Variants in MOG observed in about 807,000 individuals in gnomAD.
The protein encoded by MOG is myelin-oligodendrocyte glycoprotein.
Under a neutral mutation model 35.9 loss-of-function variants are expected in MOG, and 20 were observed. The ratio of observed to expected loss-of-function variants is 0.56; its 90% confidence interval spans 0.39 to 0.81. The LOEUF (loss-of-function observed/expected upper bound fraction) is 0.81. Ranked by LOEUF, MOG falls within the 30% of genes least tolerant of loss-of-function variation. The pLI is 0.00. For synonymous variants in MOG, 92 were observed against 114.3 expected (o/e 0.80, Z 1.25); for missense variants, 251 against 301.0 (o/e 0.83, Z 1.23).
At chr6:29,660,934 C>T (rs1274218705) in intron 2 of MOG, among the ~76,000 whole-genome samples, 1 of 152,066 alleles carries the variant, frequency 6.6e-6, no homozygotes, top group Non-Finnish European at 1.5e-5. Flanking sequence ...GTCTCAAACT[C>T]CTGACCTCAG....
At chr6:29,657,412 A>G in intron 1 of MOG, 115 bp downstream of exon 1, 1 of 835,734 alleles carries the variant, frequency 1.2e-6, no homozygotes, top group Non-Finnish European at 2.0e-6. Flanking sequence ...TCTAAAACAT[A>G]GACCTACTGA....
chr6:29,661,367 A>G (rs1768693118), intron 2 of MOG: 1 of 985,056 alleles, frequency 1.0e-6, no homozygotes, highest in African/African-American at 1.7e-5. Flanking sequence ...GTGTCTCAGA[A>G]TGTTCTTCAT....
chr6:29,671,083 C>T (rs1305709285), intron 7 of MOG, 89 bp from the exon 8 acceptor site: 6 of 1,612,620 alleles, frequency 3.7e-6, no homozygotes, highest in Non-Finnish European at 5.1e-6. Flanking sequence ...GACAAGATGA[C>T]CCCAAGGGCT....
intron 2 of MOG, among the ~76,000 whole-genome samples, chr6:29,661,089 T>C (rs1157084688): frequency 6.6e-6 from 1 of 152,196 alleles, no homozygotes; most frequent in Non-Finnish European, 1.5e-5. Context: ...ATGATTAAGA[T>C]GTGGACAAGG....
At chr6:29,660,483 T>C (rs1351692696) in intron 2 of MOG, among the ~76,000 whole-genome samples, 1 of 135,088 alleles carries the variant, frequency 7.4e-6, no homozygotes, top group Non-Finnish European at 1.5e-5. Flanking sequence ...TGAGCCAAAA[T>C]CCTTCCACTG....
Position 29,657,205 on chromosome 6 carries a change from T to G in MOG, c.-5T>G. On this transcript the variant is annotated 5_prime_UTR_variant, in exon 1 of 8. Transcript: ENST00000376917. ...GGGGGCTCTCTGTCCCCAGGAACAG[T>G]AGAGATGGCAAGCTTATCAAGACCC... The G allele has an allele frequency of 1.2e-6, 2 of 1,605,458 alleles. No individual in the cohort carries two copies. The highest frequency in any genetic ancestry group is 1.7e-6 in the Non-Finnish European group (2 of 1,173,498).
At chr6:29,660,462 G>A (rs559667118) in intron 2 of MOG, among the ~76,000 whole-genome samples, 5 of 149,682 alleles carry the variant, frequency 3.3e-5, no homozygotes, top group South Asian at 2.2e-4. Flanking sequence ...ACCCGGAAGC[G>A]GAGGTTGCAG....
At position 29,663,896 on chromosome 6, in the gene MOG, G is replaced by A. The variant is rs1769512341; in HGVS notation, c.437-2256G>A. ...CTTGAAGGATTGTAATTATACCTAAGCAACCCTCCTGGACCAGTTTAATGT... is the reference window on the plus strand; with the variant it reads ...CTTGAAGGATTGTAATTATACCTAAACAACCCTCCTGGACCAGTTTAATGT... On this transcript the variant is annotated intron_variant, in intron 2 of 7. Transcript: ENST00000376917. The A allele has an allele frequency of 4.2e-6, 4 of 957,786 alleles. No homozygotes were observed. In the South Asian group the frequency reaches 1.9e-4, roughly 46 times the overall value. 59.3% of individuals were successfully genotyped at this position (957,786 alleles called of 1,614,324 possible). A position where few individuals can be genotyped will look rare whatever the true frequency, so the allele number is the denominator to read the frequency against.
At chr6:29,669,390 A>C (rs936835477) in intron 5 of MOG, among the ~76,000 whole-genome samples, 1 of 151,940 alleles carries the variant, frequency 6.6e-6, no homozygotes, top group Non-Finnish European at 1.5e-5. Context: ...TCCTGGGTTC[A>C]AGCGATTCTC....
intron 2 of MOG, 180 bp downstream of exon 2, chr6:29,659,846 A>G (rs1226215650): frequency 1.6e-6 from 1 of 639,830 alleles, no homozygotes; most frequent in African/African-American, 1.8e-5. Flanking sequence ...CATTATTCAG[A>G]GTAGCAAGGA....
Position 29,670,776 on chromosome 6 carries a change from C to G in MOG, c.730+55C>G. 3 of 1,605,134 alleles carry G rather than the reference C, an allele frequency of 1.9e-6. No homozygotes were observed. Among genetic ancestry groups the G allele is most frequent in the Non-Finnish European group, 2.6e-6 (3 of 1,175,768 alleles). On this transcript the variant is annotated intron_variant, in intron 7 of 7. Transcript: ENST00000376917. The surrounding 1 kb of genome is among the most constrained non-coding windows in gnomAD (Gnocchi z 4.2). ...AGAATAAAAAGCCAGGAAAGGGAGACAGAAGCAACAAGAGGAAGAGGCGGG... is the reference window on the plus strand; with the variant it reads ...AGAATAAAAAGCCAGGAAAGGGAGAGAGAAGCAACAAGAGGAAGAGGCGGG...
intron 2 of MOG, 105 bp from the exon 3 acceptor site, chr6:29,666,047 T>G: frequency 2.1e-5 from 17 of 813,790 alleles, no homozygotes; most frequent in Middle Eastern, 2.2e-4. Flanking sequence ...TGAATCCTGA[T>G]GATATTCACT....
At chr6:29,671,076 A>G in intron 7 of MOG, 96 bp from the exon 8 acceptor site, 1 of 1,612,730 alleles carries the variant, frequency 6.2e-7, no homozygotes, top group Non-Finnish European at 8.5e-7. Context: ...GAATGGAGAC[A>G]AGATGACCCC....
chr6:29,659,736 A>G, intron 2 of MOG, 70 bp downstream of exon 2: 1 of 1,280,114 alleles, frequency 7.8e-7, no homozygotes, highest in Non-Finnish European at 1.1e-6. Flanking sequence ...CTCAACTGAG[A>G]TGAGATCCCT....
chr6:29,659,232 C>T, intron 1 of MOG, 87 bp from the exon 2 acceptor site: 1 of 1,226,270 alleles, frequency 8.2e-7, no homozygotes. Context: ...TCTTCCTTCC[C>T]TGTTTTGAAG....
chr6:29,669,141 G>A (rs1037487504), intron 5 of MOG, among the ~76,000 whole-genome samples: 75 of 151,922 alleles, frequency 4.9e-4, no homozygotes, highest in African/African-American at 1.8e-3. Context: ...GGCTGGCCTC[G>A]AACTCCTGAC....
At chr6:29,668,448 G>T (rs1770696823) in intron 5 of MOG, among the ~76,000 whole-genome samples, 1 of 152,170 alleles carries the variant, frequency 6.6e-6, no homozygotes. Flanking sequence ...TTTGTTCACT[G>T]CAGATTGCCC....
At position 29,670,641 on chromosome 6, in the gene MOG, A is replaced by G; in HGVS notation, c.710-60A>G. 2 of 1,602,536 alleles carry G rather than the reference A, an allele frequency of 1.2e-6. No homozygotes were observed. Among genetic ancestry groups the G allele is most frequent in the Non-Finnish European group, 1.7e-6 (2 of 1,174,454 alleles). ...GTCACTCCAAATGTCCATAGGGAGG[A>G]TGTGGGGAAGGTGCTATTCATCTTC... On this transcript the variant is annotated intron_variant, in intron 6 of 7. Coordinates refer to ENST00000376917, the MANE Select transcript of MOG (RefSeq NM_206809.4). The surrounding 1 kb of genome is among the most constrained non-coding windows in gnomAD (Gnocchi z 4.2).
At position 29,670,232 on chromosome 6, in the gene MOG, C is replaced by G; in HGVS notation, c.593-49C>G. 3.1e-6 allele frequency: 5 copies of G among 1,614,136 alleles called. No individual in the cohort carries two copies. Among genetic ancestry groups the G allele is most frequent in the Non-Finnish European group, 3.4e-6 (4 of 1,180,034 alleles). ...AACCAAAAAAGACAGGTGGGTGGGG[C>G]ATGAGGGGGAACACATGTTAACCCT... On this transcript the variant is annotated intron_variant, in intron 5 of 7. Coordinates refer to ENST00000376917, the MANE Select transcript of MOG (RefSeq NM_206809.4). This position sits in a 1 kb window ranked among gnomAD's most constrained non-coding sequence, Gnocchi z 4.2.
Sources: allele counts gnomAD v4.1 joint callset (sites outside exome capture counted in the v4.1 genomes callset), GRCh38; gene constraint gnomAD v4.1.1; non-coding constraint Gnocchi (gnomAD v3.1); transcripts MANE v1.5; gene names NCBI Gene and HGNC (gene_info 2026-07-23, HGNC 2026-07-21).